The following SORT1 variants were observed in gnomAD, a reference collection of about 807,000 sequenced individuals.
SORT1 encodes sortilin.
A neutral mutation model predicts 101.7 loss-of-function variants in SORT1; 39 were observed. The observed-to-expected ratio is 0.38, with a 90% CI of 0.30 to 0.50. SORT1 has a LOEUF of 0.50. Among genes scored for constraint, SORT1 ranks in the 20% least tolerant of loss-of-function variants. The pLI, the probability that SORT1 is intolerant of heterozygous loss-of-function variation, is 0.90. For synonymous variants in SORT1, 396 were observed against 393.7 expected, an observed-to-expected ratio of 1.01 and a Z score of -0.07; for missense variants, 878 against 1,040.4, an observed-to-expected ratio of 0.84 and a Z score of 2.15.
chr1:109,387,451 C>A (rs1038830849), intron 1 of SORT1, among the ~76,000 whole-genome samples: 26 of 152,108 alleles, frequency 1.7e-4, no homozygotes, highest in African/African-American at 5.8e-4. Flanking sequence ...CATGATTACA[C>A]CCCTGCACTC....
intron 6 of SORT1, among the ~76,000 whole-genome samples, chr1:109,350,091 A>G (rs574227935): frequency 6.6e-6 from 1 of 152,280 alleles, no homozygotes; most frequent in African/African-American, 2.4e-5. Context: ...CTGTAATTCT[A>G]ATGCTGTTAC....
At chr1:109,368,773 C>A (rs554818030) in intron 2 of SORT1, 4 of 152,440 alleles carry the variant, frequency 2.6e-5, no homozygotes, top group African/African-American at 7.2e-5. Flanking sequence ...AGATGAACAA[C>A]CATGAGCCCA....
At chr1:109,327,411 C>A in intron 12 of SORT1, 88 bp downstream of exon 12, 1 of 830,664 alleles carries the variant, frequency 1.2e-6, no homozygotes, top group South Asian at 1.8e-5. Flanking sequence ...CACATTGTTT[C>A]TTCTCAGAGC....
intron 1 of SORT1, among the ~76,000 whole-genome samples, chr1:109,395,935 G>T (rs921291982): frequency 6.6e-6 from 1 of 151,906 alleles, no homozygotes; most frequent in South Asian, 2.1e-4. Flanking sequence ...AGAAAGAAAA[G>T]AACAATTAGC....
At chr1:109,365,838 C>A (rs1277438066) in intron 3 of SORT1, among the ~76,000 whole-genome samples, 1 of 152,154 alleles carries the variant, frequency 6.6e-6, no homozygotes, top group Non-Finnish European at 1.5e-5. Flanking sequence ...TATTGAAGGG[C>A]AGAGACCTCT....
At chr1:109,376,307 G>A (rs1471297284) in intron 1 of SORT1, among the ~76,000 whole-genome samples, 1 of 148,370 alleles carries the variant, frequency 6.7e-6, no homozygotes, top group Non-Finnish European at 1.5e-5. Context: ...TTCCAGCCTG[G>A]GCAACAGAGG....
intron 8 of SORT1, among the ~76,000 whole-genome samples, chr1:109,345,530 C>T (rs1649523841): frequency 6.6e-6 from 1 of 151,388 alleles, no homozygotes; most frequent in African/African-American, 2.4e-5. Flanking sequence ...AAAAAAAAAT[C>T]CCAAAAAAGA....
At chr1:109,373,334 G>C (rs1651615009) in intron 1 of SORT1, among the ~76,000 whole-genome samples, 1 of 152,142 alleles carries the variant, frequency 6.6e-6, no homozygotes, top group African/African-American at 2.4e-5. Flanking sequence ...CAGAAGATTA[G>C]AGAAGAAAGA....
At chr1:109,383,687 G>A (rs1441325221) in intron 1 of SORT1, among the ~76,000 whole-genome samples, 1 of 152,152 alleles carries the variant, frequency 6.6e-6, no homozygotes, top group Non-Finnish European at 1.5e-5. Context: ...TGATGCTTTT[G>A]CAGGCAGGAA....
chr1:109,358,510 C>T (rs995861726), intron 3 of SORT1, among the ~76,000 whole-genome samples: 2 of 152,074 alleles, frequency 1.3e-5, no homozygotes, highest in African/African-American at 4.8e-5. Context: ...TATGAACAGC[C>T]GTCGAATGAT....
At chr1:109,355,326 G>C in intron 4 of SORT1, 41 bp downstream of exon 4, 1 of 952,388 alleles carries the variant, frequency 1.0e-6, no homozygotes, top group Non-Finnish European at 1.7e-6. Context: ...TCTGCATGTG[G>C]TATCAAGCAC....
At chr1:109,325,845 A>T (rs192850968) in intron 13 of SORT1, among the ~76,000 whole-genome samples, 1 of 151,708 alleles carries the variant, frequency 6.6e-6, no homozygotes, top group African/African-American at 2.4e-5. Flanking sequence ...ACAAAAAACC[A>T]CAAAAATTAG....
intron 1 of SORT1, among the ~76,000 whole-genome samples, chr1:109,386,218 A>T (rs752410003): frequency 1.4e-4 from 22 of 152,028 alleles, no homozygotes; most frequent in Non-Finnish European, 2.8e-4. Context: ...TTTCATGACT[A>T]CTCTTTCTTC....
At chr1:109,331,732 A>G (rs1214781643) in intron 11 of SORT1, among the ~76,000 whole-genome samples, 1 of 152,118 alleles carries the variant, frequency 6.6e-6, no homozygotes, top group Non-Finnish European at 1.5e-5. Flanking sequence ...ACCAGAAAGA[A>G]AGAGGTAAAA....
intron 11 of SORT1, among the ~76,000 whole-genome samples, chr1:109,334,379 T>C (rs1648668300): frequency 1.3e-5 from 2 of 152,220 alleles, no homozygotes; most frequent in African/African-American, 4.8e-5. Context: ...AATCCTGTCA[T>C]CTGTTGAAAA....
intron 7 of SORT1, among the ~76,000 whole-genome samples, 154 bp downstream of exon 7, chr1:109,347,329 C>T (rs183443797): frequency 7.6e-4 from 115 of 152,268 alleles, no homozygotes; most frequent in Admixed American, 2.8e-3. Context: ...TTTGGTTTTA[C>T]TTTCAAGATT....
At chr1:109,394,061 C>T (rs1185956051) in intron 1 of SORT1, among the ~76,000 whole-genome samples, 3 of 152,126 alleles carry the variant, frequency 2.0e-5, no homozygotes, top group South Asian at 4.1e-4. Flanking sequence ...CAAATGCAGG[C>T]AGTCCAGATA....
Position 109,397,899 on chromosome 1 carries a change from C to G in SORT1, c.-7G>C, listed in dbSNP as rs1231872415. 1.7e-6 allele frequency: 2 copies of G among 1,152,988 alleles called. No homozygotes were observed. The highest frequency in any genetic ancestry group is 2.1e-6 in the Non-Finnish European group (2 of 939,308). The allele number at this position is 1,152,988 out of a possible 1,614,324, so 71.4% of individuals were successfully genotyped here. A position where few individuals can be genotyped will look rare whatever the true frequency, so the allele number is the denominator to read the frequency against. The stretch of plus-strand genomic sequence containing the variant: ...CTCCCCAGGGCCGCTCCATCGCCGC[C>G]GAATGCCGCCGACGCCGACACCTGC... On this transcript the variant is annotated 5_prime_UTR_variant, in exon 1 of 20. Transcript: ENST00000256637.
rs561192033 is a variant in SORT1 at position 109,366,547 on chromosome 1, C to A, written c.440+861G>T. Among the ~76,000 whole-genome samples the A allele has an allele frequency of 3.2e-4, 49 of 152,328 alleles. 1 individual carries two copies. Among genetic ancestry groups the A allele is most frequent in the Non-Finnish European group, 6.6e-4 (45 of 68,034 alleles). On this transcript the variant is annotated intron_variant, in intron 3 of 19. Coordinates refer to ENST00000256637, the MANE Select transcript of SORT1 (RefSeq NM_002959.7). ...TTCTTCATCTTCCTTTATTGTTCTGCCCCTGAGTCAGGTCAAACCAACCTC... is the reference window on the plus strand; with the variant it reads ...TTCTTCATCTTCCTTTATTGTTCTGACCCTGAGTCAGGTCAAACCAACCTC...
Sources: gnomAD v4.1 joint callset for allele counts (sites outside exome capture counted in the v4.1 genomes callset) on GRCh38, gnomAD v4.1.1 for gene constraint, MANE v1.5 for transcripts, NCBI Gene and HGNC (gene_info 2026-07-23, HGNC 2026-07-21) for gene names.